NXPE2: variants seen among roughly 807,000 people sequenced by gnomAD.
NXPE2 encodes the protein NXPE family member 2.
In NXPE2, 34 loss-of-function variants were observed where a neutral mutation model predicts 34.4. That is an observed-to-expected ratio of 0.99 (90% CI 0.75 to 1.31). The LOEUF (loss-of-function observed/expected upper bound fraction) is 1.31, where lower values mean the gene tolerates loss of function less well. Ranked by LOEUF, NXPE2 falls within the 40% of genes most tolerant of loss-of-function variation. The probability of loss-of-function intolerance (pLI) is 0.00; values close to 1 mark genes in which losing one functional copy is unlikely to be tolerated. For synonymous variants in NXPE2, 235 were observed against 231.3 expected (o/e 1.02, Z -0.15); for missense variants, 649 against 672.5 (o/e 0.97, Z 0.39).
the NXPE2 span, among the ~76,000 whole-genome samples, chr11:114,669,280 A>T: frequency 6.6e-6 from 1 of 152,100 alleles, no homozygotes; most frequent in Non-Finnish European, 1.5e-5. Flanking sequence ...TCTATATCTC[A>T]GTTAGAATGG....
chr11:114,582,413 G>A, the NXPE2 span: 1 of 1,614,182 alleles, frequency 6.2e-7, no homozygotes. Flanking sequence ...CTTGGTCTCT[G>A]TTGTCCAGGT....
chr11:114,639,851 AAT>A, the NXPE2 span, among the ~76,000 whole-genome samples: 1 of 99,512 alleles, frequency 1.0e-5, no homozygotes, highest in African/African-American at 4.2e-5. Flanking sequence ...TATAAAATAT[AAT>A]ATATATTATA....
the NXPE2 span, among the ~76,000 whole-genome samples, chr11:114,625,073 G>T: frequency 6.6e-6 from 1 of 151,824 alleles, no homozygotes; most frequent in Non-Finnish European, 1.5e-5. Context: ...ATATTGCCCC[G>T]TGGGTAACCA....
the NXPE2 span, among the ~76,000 whole-genome samples, chr11:114,516,934 C>A: frequency 1.3e-5 from 2 of 152,248 alleles, no homozygotes; most frequent in Non-Finnish European, 2.9e-5. Context: ...ACCCTGGCAC[C>A]CTTCCATAGT....
chr11:114,475,554 C>T, the NXPE2 span, among the ~76,000 whole-genome samples: 1 of 152,030 alleles, frequency 6.6e-6, no homozygotes, highest in African/African-American at 2.4e-5. Context: ...GGACTTTTTG[C>T]TGGCATCAGT....
chr11:114,741,238 C>T, the NXPE2 span, among the ~76,000 whole-genome samples: 5 of 12,910 alleles, frequency 3.9e-4, no homozygotes, highest in African/African-American at 4.3e-4. Context: ...CTTCTCTTCT[C>T]TTGCTTTCAA....
the NXPE2 span, among the ~76,000 whole-genome samples, chr11:114,544,924 CAAAGA>C: frequency 6.6e-6 from 1 of 151,978 alleles, no homozygotes; most frequent in Admixed American, 6.5e-5. Flanking sequence ...GACACCTCAC[CAAAGA>C]AGAGACACGC....
the NXPE2 span, among the ~76,000 whole-genome samples, chr11:114,587,099 A>C: frequency 1.8e-4 from 27 of 152,080 alleles, no homozygotes; most frequent in African/African-American, 6.0e-4. Context: ...AACACTCTTA[A>C]CTTCCTAATT....
the NXPE2 span, among the ~76,000 whole-genome samples, chr11:114,575,834 G>A: frequency 6.6e-6 from 1 of 152,010 alleles, no homozygotes; most frequent in Non-Finnish European, 1.5e-5. Context: ...ATTCTTCACA[G>A]AACTAGAAAA....
chr11:114,502,030 T>C, the NXPE2 span, among the ~76,000 whole-genome samples: 1 of 152,170 alleles, frequency 6.6e-6, no homozygotes, highest in African/African-American at 2.4e-5. Context: ...AAAAACTCTT[T>C]GTTGTGGGAA....
At chr11:114,734,758 T>C in the NXPE2 span, among the ~76,000 whole-genome samples, 14 of 152,276 alleles carry the variant, frequency 9.2e-5, no homozygotes, top group Admixed American at 7.2e-4. Context: ...GAAAAGTAAG[T>C]ACATGTTCCT....
chr11:114,568,605 C>A, the NXPE2 span, among the ~76,000 whole-genome samples: 1 of 152,014 alleles, frequency 6.6e-6, no homozygotes, highest in Non-Finnish European at 1.5e-5. Flanking sequence ...AAACTCCTTG[C>A]CATAGGTAAT....
chr11:114,661,518 T>G, the NXPE2 span, among the ~76,000 whole-genome samples: 1 of 152,326 alleles, frequency 6.6e-6, no homozygotes, highest in African/African-American at 2.4e-5. Context: ...CTGATGGACT[T>G]CAAAAGTACT....
chr11:114,473,493 C>G, the NXPE2 span, among the ~76,000 whole-genome samples: 3 of 152,138 alleles, frequency 2.0e-5, no homozygotes, highest in African/African-American at 7.2e-5. Context: ...TTGTGATACA[C>G]TGTGAGTTTA....
At chr11:114,660,822 A>C in the NXPE2 span, among the ~76,000 whole-genome samples, 1 of 152,186 alleles carries the variant, frequency 6.6e-6, no homozygotes, top group African/African-American at 2.4e-5. Context: ...TTCACAGCCA[A>C]TATGATTATC....
At chr11:114,726,040 C>A in the NXPE2 span, among the ~76,000 whole-genome samples, 10 of 142,818 alleles carry the variant, frequency 7.0e-5, 1 homozygote, top group Middle Eastern at 3.7e-3. Context: ...TAAAGTGTTT[C>A]TGGCAGTGTG....
At chr11:114,584,404 A>G in the NXPE2 span, 2 of 280,552 alleles carry the variant, frequency 7.1e-6, no homozygotes, top group East Asian at 1.2e-4. Flanking sequence ...AATGCAGGTG[A>G]TTCTGAGGAT....
the NXPE2 span, among the ~76,000 whole-genome samples, chr11:114,572,322 G>A: frequency 6.4e-4 from 98 of 152,116 alleles, no homozygotes; most frequent in Non-Finnish European, 1.1e-3. Flanking sequence ...TTTAACTCCT[G>A]CAAAAGACCA....
the NXPE2 span, among the ~76,000 whole-genome samples, chr11:114,794,123 G>C: frequency 8.1e-4 from 124 of 152,236 alleles, 1 homozygote; most frequent in African/African-American, 2.9e-3. Context: ...ACTTCCTGCT[G>C]AGTCTCTCCC....
Sources: allele counts gnomAD v4.1 joint callset (sites outside exome capture counted in the v4.1 genomes callset), GRCh38; gene constraint gnomAD v4.1.1; transcripts MANE v1.5; gene names NCBI Gene and HGNC (gene_info 2026-07-23, HGNC 2026-07-21).